ZNF608: variants seen among roughly 807,000 people sequenced by gnomAD.
ZNF608 encodes the protein renal carcinoma antigen NY-REN-36.
Under a neutral mutation model 109.0 loss-of-function variants are expected in ZNF608, and 12 were observed. That is an observed-to-expected ratio of 0.11 (90% CI 0.07 to 0.18). The LOEUF (loss-of-function observed/expected upper bound fraction) is 0.18, where lower values mean the gene tolerates loss of function less well. Among genes scored for constraint, ZNF608 ranks in the 10% least tolerant of loss-of-function variants. The pLI is 1.00. For synonymous variants in ZNF608, 732 were observed against 717.4 expected (o/e 1.02, Z -0.33); for missense variants, 1,707 against 1,879.3 (o/e 0.91, Z 1.70).
chr5:124,722,084 G>A (rs974616770), intron 2 of ZNF608, among the ~76,000 whole-genome samples: 22 of 151,688 alleles, frequency 1.5e-4, no homozygotes, highest in African/African-American at 3.9e-4. Context: ...TCTGCAGGAG[G>A]GAACAATCTA....
chr5:124,636,942 T>C lies in ZNF608; in HGVS notation c.*958A>G. 6.6e-6 allele frequency: 1 copy of C among 152,100 alleles called. No homozygotes were observed. The highest frequency in any genetic ancestry group is 1.5e-5 in the Non-Finnish European group (1 of 67,924). 9.4% of individuals were successfully genotyped at this position (152,100 alleles called of 1,614,324 possible). A position where few individuals can be genotyped will look rare whatever the true frequency, so the allele number is the denominator to read the frequency against. On this transcript the variant is annotated 3_prime_UTR_variant, in exon 10 of 10. Transcript: ENST00000513986. ...ATTTAAAAAAAAAAAAACTTTTTAA[T>C]TCTGATTGCCAAATTATTTAAGGCA...
At chr5:124,669,173 G>T (rs1274502609) in intron 3 of ZNF608, among the ~76,000 whole-genome samples, 1 of 152,248 alleles carries the variant, frequency 6.6e-6, no homozygotes, top group Non-Finnish European at 1.5e-5. Context: ...ACCTTCATAA[G>T]ACAGGGACAC....
At chr5:124,660,480 T>C (rs970013707) in intron 3 of ZNF608, among the ~76,000 whole-genome samples, 2 of 151,988 alleles carry the variant, frequency 1.3e-5, no homozygotes, top group Admixed American at 6.5e-5. Flanking sequence ...CAGAATGCAA[T>C]AGGGAAAGCT....
chr5:124,713,356 C>A (rs561301422), intron 2 of ZNF608, among the ~76,000 whole-genome samples: 1 of 152,296 alleles, frequency 6.6e-6, no homozygotes, highest in South Asian at 2.1e-4. Context: ...GGCCCACGGT[C>A]CAAATCTGGC....
chr5:124,721,652 C>A (rs1753908106), intron 2 of ZNF608, among the ~76,000 whole-genome samples: 1 of 151,960 alleles, frequency 6.6e-6, no homozygotes, highest in African/African-American at 2.4e-5. Context: ...AACTCAGAGC[C>A]AGGCCGGGCA....
intron 2 of ZNF608, among the ~76,000 whole-genome samples, chr5:124,714,900 G>T (rs2149871559): frequency 6.6e-6 from 1 of 152,226 alleles, no homozygotes; most frequent in Middle Eastern, 3.4e-3. Flanking sequence ...AATATTTAAG[G>T]TTCTTTAGAA....
chr5:124,709,649 T>G (rs969933921), intron 2 of ZNF608, among the ~76,000 whole-genome samples: 4 of 152,220 alleles, frequency 2.6e-5, no homozygotes, highest in Non-Finnish European at 4.4e-5. Flanking sequence ...CCACAGATAC[T>G]TAATCTGTTT....
At chr5:124,695,944 G>T (rs6875715) in intron 3 of ZNF608, among the ~76,000 whole-genome samples, 29,892 of 152,064 alleles carry the variant, frequency 0.2, 2,945 homozygotes, top group African/African-American at 0.22. Flanking sequence ...AGCACTTTGG[G>T]AGGCCAAGGC....
Position 124,644,630 on chromosome 5 carries a change from A to G in ZNF608, c.3737T>C (p.Val1246Ala). ...DPDSRTWHHY[V>A]YQPKYLDQQK... ...CTGATCCAGATATTTGGGCTGGTATACATAATGATGCCATGTTCTTGAATC... is the reference window on the plus strand; with the variant it reads ...CTGATCCAGATATTTGGGCTGGTATGCATAATGATGCCATGTTCTTGAATC... The change falls in exon 6 of 10, where the codon GTA becomes GCA. Residue 1246 changes from valine to alanine, a missense_variant. Physicochemically the swap from Val to Ala is moderately conservative, Grantham distance 64. This residue lies in a region of ZNF608 where 1,073 missense variants were observed against 1,133.5 expected (regional missense o/e 0.95). Coordinates refer to ENST00000513986, the MANE Select transcript of ZNF608 (RefSeq NM_020747.3). 6.3e-7 allele frequency: 1 copy of G among 1,577,226 alleles called. No individual in the cohort carries two copies. The highest frequency in any genetic ancestry group is 8.6e-7 in the Non-Finnish European group (1 of 1,161,094).
intron 2 of ZNF608, among the ~76,000 whole-genome samples, chr5:124,707,298 AAGG>A (rs1217348844): frequency 2.6e-5 from 4 of 152,118 alleles, no homozygotes; most frequent in African/African-American, 4.8e-5. Flanking sequence ...TGCCAGGTAG[AAGG>A]AGAAGGCGAA....
At chr5:124,685,826 T>C (rs989823423) in intron 3 of ZNF608, among the ~76,000 whole-genome samples, 2 of 152,206 alleles carry the variant, frequency 1.3e-5, no homozygotes, top group Non-Finnish European at 2.9e-5. Flanking sequence ...AATTCTCCTT[T>C]GGACTCTGCC....
Position 124,647,204 on chromosome 5 carries a change from C to A in ZNF608, c.3180G>T (p.Gln1060His), listed in dbSNP as rs147739324. The stretch of plus-strand genomic sequence containing the variant: ...GTGTGATCACCGACTGGTGCTGAGG[C>A]TGTAAGGATGCAGAATTGTGGTCCA... Reference protein sequence around the residue: ...KKVDHNSASLQPQHQSVITQR... With the variant: ...KKVDHNSASLHPQHQSVITQR... The change falls in exon 5 of 10, where the codon CAG becomes CAT. Residue 1060 changes from glutamine (Q) to histidine (H), a missense_variant. By Grantham distance (24) the Gln-to-His change is conservative. Transcript: ENST00000513986. 3.1e-6 allele frequency: 5 copies of A among 1,614,202 alleles called. No individual in the cohort carries two copies. In the South Asian group the frequency reaches 5.5e-5, roughly 18 times the overall value.
chr5:124,744,745 C>A lies in ZNF608; in HGVS notation c.245G>T (p.Gly82Val). 6.2e-7 allele frequency: 1 copy of A among 1,614,198 alleles called. No homozygotes were observed. The highest frequency in any genetic ancestry group is 8.5e-7 in the Non-Finnish European group (1 of 1,180,040). ...GGCCTGAACAGAAGCAAATTTTAGG[C>A]CATCAGCTAAGGCTGCGGTAGCACC... Reference protein sequence around the residue: ...GAGATAALADGLKFASVQASA... With the variant: ...GAGATAALADVLKFASVQASA... The change falls in exon 2 of 10, where the codon GGC becomes GTC. Residue 82 changes from glycine to valine, a missense_variant. Gly to Val is a moderately radical substitution (Grantham distance 109). Transcript: ENST00000513986. This position sits in a 1 kb window ranked among gnomAD's most constrained non-coding sequence, Gnocchi z 4.5.
intron 3 of ZNF608, among the ~76,000 whole-genome samples, chr5:124,690,983 CACA>C (rs1752602361): frequency 6.7e-6 from 1 of 150,038 alleles, no homozygotes; most frequent in African/African-American, 2.5e-5. Flanking sequence ...AAATTTTTTA[CACA>C]ACTTTTTTTA....
At chr5:124,692,897 C>T (rs528103097) in intron 3 of ZNF608, among the ~76,000 whole-genome samples, 1 of 152,318 alleles carries the variant, frequency 6.6e-6, no homozygotes, top group East Asian at 1.9e-4. Context: ...AGTAAGTACT[C>T]AACAAGCTAG....
At position 124,648,032 on chromosome 5, in the gene ZNF608, C is replaced by T. The variant is rs765356501; in HGVS notation, c.2352G>A (p.Pro784=). The change falls in exon 5 of 10, where the codon CCG becomes CCA. Residue 784 remains proline (P), a synonymous_variant. Coordinates refer to ENST00000513986, the MANE Select transcript of ZNF608 (RefSeq NM_020747.3). ...TVVQATPKSP[P]LKPIQPKPTI... ...TGGGCTTTGGTTGAATGGGTTTTAACGGAGGACTCTTTGGTGTAGCCTGAA... is the reference window on the plus strand; with the variant it reads ...TGGGCTTTGGTTGAATGGGTTTTAATGGAGGACTCTTTGGTGTAGCCTGAA... The T allele has an allele frequency of 9.9e-6, 16 of 1,613,926 alleles. No homozygotes were observed. The highest frequency in any genetic ancestry group is 1.6e-4 in the Middle Eastern group (1 of 6,084).
chr5:124,685,242 G>A (rs1254360410), intron 3 of ZNF608, among the ~76,000 whole-genome samples: 3 of 152,006 alleles, frequency 2.0e-5, no homozygotes, highest in Non-Finnish European at 2.9e-5. Context: ...TTTCATTTTG[G>A]GCTCTAATCA....
intron 3 of ZNF608, among the ~76,000 whole-genome samples, chr5:124,656,534 G>A (rs1409329862): frequency 6.6e-6 from 1 of 151,998 alleles, no homozygotes; most frequent in African/African-American, 2.4e-5. Context: ...GTTTGCCAGA[G>A]GTTAATCTGA....
chr5:124,649,765 T>C (rs764375700), intron 3 of ZNF608, 68 bp from the exon 4 acceptor site: 63 of 1,052,522 alleles, frequency 6.0e-5, no homozygotes, highest in Non-Finnish European at 8.1e-5. Flanking sequence ...AGTTCACTTA[T>C]TATTTTTTTC....
Sources: gnomAD v4.1 joint callset for allele counts (sites outside exome capture counted in the v4.1 genomes callset) on GRCh38, gnomAD v4.1.1 for gene constraint, gnomAD v4.1.1 regional missense constraint, Gnocchi (gnomAD v3.1) non-coding constraint, MANE v1.5 for transcripts, NCBI Gene and HGNC (gene_info 2026-07-23, HGNC 2026-07-21) for gene names.